The following TSPAN17 variants were observed in gnomAD, a reference collection of about 807,000 sequenced individuals.
The protein encoded by TSPAN17 is tetraspanin-17.
Under a neutral mutation model 40.5 loss-of-function variants are expected in TSPAN17, and 33 were observed. The ratio of observed to expected loss-of-function variants is 0.81; its 90% CI spans 0.62 to 1.09. The LOEUF (loss-of-function observed/expected upper bound fraction) is 1.09, where lower values mean the gene tolerates loss of function less well. Ranked by LOEUF, TSPAN17 falls within the 50% of genes least tolerant of loss-of-function variation. The pLI is 0.00. For missense variants in TSPAN17, 365 were observed against 416.8 expected (o/e 0.88, Z 1.08); for synonymous variants, 166 against 169.4 (o/e 0.98, Z 0.15).
chr5:176,648,822 TTC>T (rs1760848613), intron 1 of TSPAN17, among the ~76,000 whole-genome samples: 1 of 152,068 alleles, frequency 6.6e-6, no homozygotes, highest in African/African-American at 2.4e-5. Flanking sequence ...ATTTGTTGTA[TTC>T]TCACAACTGC....
rs1219863644 is a variant in TSPAN17, at chr5:176,656,681, G to C, written c.631-19G>C. 1 of 1,612,368 alleles carries C rather than the reference G, an allele frequency of 6.2e-7. No individual in the cohort carries two copies. Among genetic ancestry groups the C allele is most frequent in the Admixed American group, 1.7e-5 (1 of 60,004 alleles). On this transcript the variant is annotated intron_variant, in intron 6 of 8. Coordinates refer to ENST00000508164, the MANE Select transcript of TSPAN17 (RefSeq NM_130465.5). ...CCTGAAGGGCAGGTAGGCTGAGCCTGGTGCCTGCGTGTCCCCAGGAGCTGG... is the reference window on the plus strand; with the variant it reads ...CCTGAAGGGCAGGTAGGCTGAGCCTCGTGCCTGCGTGTCCCCAGGAGCTGG...
intron 1 of TSPAN17, 83 bp downstream of exon 1, chr5:176,647,785 C>T (rs1760799273): frequency 1.5e-6 from 2 of 1,332,504 alleles, no homozygotes; most frequent in African/African-American, 1.5e-5. Flanking sequence ...GAGACCACTC[C>T]CTGCCCCAAG....
At chr5:176,652,056 G>A (rs926219962) in intron 3 of TSPAN17, among the ~76,000 whole-genome samples, 156 bp downstream of exon 3, 1 of 152,200 alleles carries the variant, frequency 6.6e-6, no homozygotes, top group Admixed American at 6.5e-5. Flanking sequence ...CCTTTCCGTG[G>A]TATGGTAAGT....
At chr5:176,649,578 C>A (rs570724588) in intron 1 of TSPAN17, among the ~76,000 whole-genome samples, 1 of 152,218 alleles carries the variant, frequency 6.6e-6, no homozygotes, top group African/African-American at 2.4e-5. Flanking sequence ...TAGGTGTGTG[C>A]CACCACGCCT....
intron 5 of TSPAN17, 106 bp from the exon 6 acceptor site, chr5:176,655,972 G>T: frequency 1.0e-6 from 1 of 970,906 alleles, no homozygotes; most frequent in Non-Finnish European, 1.7e-6. Context: ...GAATCCACGG[G>T]CCCATCTGCG....
At chr5:176,657,417 T>C in intron 8 of TSPAN17, 101 bp from the exon 9 acceptor site, 1 of 1,524,478 alleles carries the variant, frequency 6.6e-7, no homozygotes, top group Non-Finnish European at 8.8e-7. Context: ...CACTCTTTTC[T>C]ATGAGCTGTA....
chr5:176,656,708 G>C lies in TSPAN17; in HGVS notation c.639G>C (p.Glu213Asp), dbSNP rs200138829. Residue 213 changes from glutamate to aspartate, a missense_variant, in exon 7 of 9, where the codon GAG becomes GAC. Physicochemically the swap from Glu to Asp is conservative, Grantham distance 45 (BLOSUM62 2). Coordinates refer to ENST00000508164, the MANE Select transcript of TSPAN17 (RefSeq NM_130465.5). ...GYDVRLKLEL[E>D]QQGFIHTKGC... ...TGCCTGCGTGTCCCCAGGAGCTGGA[G>C]CAGCAGGGCTTCATCCACACCAAAG... The C allele has an allele frequency of 6.2e-7, 1 of 1,614,158 alleles. No individual in the cohort carries two copies. The highest frequency in any genetic ancestry group is 2.2e-5 in the East Asian group (1 of 44,886).
intron 8 of TSPAN17, 120 bp from the exon 9 acceptor site, chr5:176,657,398 G>C: frequency 6.7e-7 from 1 of 1,498,486 alleles, no homozygotes. Flanking sequence ...GCCTCACACA[G>C]CTTCAGAGCA....
rs79536066 is a variant in TSPAN17 at position 176,658,443 on chromosome 5, G to C, written c.*745G>C. ...GGCTCGTCCAGAGATCTCAAACTCC[G>C]ATGCCCCTGGGGCCACGTATGTTGT... is the stretch of plus-strand genomic sequence containing the variant. On this transcript the variant is annotated 3_prime_UTR_variant, in exon 9 of 9. Transcript: ENST00000508164. The C allele has an allele frequency of 6.6e-6, 1 of 152,282 alleles. No homozygotes were observed. The highest frequency in any genetic ancestry group is 2.4e-5 in the African/African-American group (1 of 41,454). 9.4% of individuals were successfully genotyped at this position (152,282 alleles called of 1,614,324 possible).
At position 176,652,766 on chromosome 5, in the gene TSPAN17, C is replaced by T. The variant is rs1220374662; in HGVS notation, c.309C>T (p.Ile103=). 6.2e-7 allele frequency: 1 copy of T among 1,614,126 alleles called. No individual in the cohort carries two copies. The highest frequency in any genetic ancestry group is 1.7e-5 in the Admixed American group (1 of 60,022). The change falls in exon 4 of 9, where the codon ATC becomes ATT. Residue 103 remains isoleucine, a synonymous_variant. Transcript: ENST00000508164. ...LKFFSVFLGL[I]FFLELATGIL... is the part of the protein sequence containing the mutation. ...AGTTCTCCGTGTTCCTCGGTCTCAT[C>T]TTCTTCCTGGAGCTGGCAACAGGGA...
At position 176,654,789 on chromosome 5, in the gene TSPAN17, C is replaced by T. The variant is rs922822318; in HGVS notation, c.457-106C>T. 11 of 1,441,616 alleles carry T rather than the reference C, an allele frequency of 7.6e-6. No individual in the cohort carries two copies. In the African/African-American group the frequency reaches 1.4e-4, roughly 18 times the overall value. The allele number at this position is 1,441,616 out of a possible 1,614,324, so 89.3% of individuals were successfully genotyped here. ...TGGCCACCCACTTGGCTGTCCCAGC[C>T]CTGTCCCAGACAGCCCTGTATTCCT... On this transcript the variant is annotated intron_variant, in intron 4 of 8. Coordinates refer to ENST00000508164, the MANE Select transcript of TSPAN17 (RefSeq NM_130465.5). The surrounding 1 kb of genome is among the most constrained non-coding windows in gnomAD (Gnocchi z 4.3).
Position 176,656,104 on chromosome 5 carries a change from C to T in TSPAN17, c.609C>T (p.Gly203=), listed in dbSNP as rs764338575. The change falls in exon 6 of 9, where the codon GGC becomes GGT. Residue 203 remains glycine, a synonymous_variant. Coordinates refer to ENST00000508164, the MANE Select transcript of TSPAN17 (RefSeq NM_130465.5). ...AGGATGTCCTCAACACCCAGTGTGG[C>T]TACGACGTCCGGCTCAAACTGGTGA... is the stretch of plus-strand genomic sequence containing the variant. ...PAEDVLNTQC[G]YDVRLKLELE... is the part of the protein sequence containing the mutation. The T allele has an allele frequency of 1.5e-5, 24 of 1,614,164 alleles. No individual in the cohort carries two copies. In the Admixed American group the frequency reaches 1.8e-4, roughly 12 times the overall value.
Position 176,654,857 on chromosome 5 carries a change from G to A in TSPAN17, c.457-38G>A, listed in dbSNP as rs1458282957. 1 of 1,610,150 alleles carries A rather than the reference G, an allele frequency of 6.2e-7. No individual in the cohort carries two copies. Among genetic ancestry groups the A allele is most frequent in the Non-Finnish European group, 8.5e-7 (1 of 1,178,172 alleles). On this transcript the variant is annotated intron_variant, in intron 4 of 8. Coordinates refer to ENST00000508164, the MANE Select transcript of TSPAN17 (RefSeq NM_130465.5). This position sits in a 1 kb window ranked among gnomAD's most constrained non-coding sequence, Gnocchi z 4.3. ...CCAAACAGGGTGAGGCTCCTGGGAT[G>A]GGCCTGGCTCACCTGGGGCTCTCCC...
chr5:176,656,662 G>A (rs1420198724), intron 6 of TSPAN17, 38 bp from the exon 7 acceptor site: 2 of 1,605,320 alleles, frequency 1.2e-6, no homozygotes, highest in African/African-American at 1.3e-5. Context: ...CCGGCCTGAA[G>A]GGCAGGTAGG....
Position 176,656,919 on chromosome 5 carries a change from A to T in TSPAN17, c.772A>T (p.Asn258Tyr), listed in dbSNP as rs764759797. 2 of 1,614,160 alleles carry T rather than the reference A, an allele frequency of 1.2e-6. No homozygotes were observed. Among genetic ancestry groups the T allele is most frequent in the Non-Finnish European group, 1.7e-6 (2 of 1,180,018 alleles). The change falls in exon 8 of 9, where the codon AAC becomes TAC. Residue 258 changes from asparagine (N) to tyrosine (Y), a missense_variant. Coordinates refer to ENST00000508164, the MANE Select transcript of TSPAN17 (RefSeq NM_130465.5). Reference protein sequence around the residue: ...LQIFGICLAQNLVSDIKAVKA... With the variant: ...LQIFGICLAQYLVSDIKAVKA... ...GATCTTTGGCATCTGCCTGGCCCAGAACCTCGTGAGTGACATCAAGGCAGT... is the reference window on the plus strand; with the variant it reads ...GATCTTTGGCATCTGCCTGGCCCAGTACCTCGTGAGTGACATCAAGGCAGT...
In TSPAN17 at chr5:176,654,790, C is replaced by T. The variant is rs1761087519; in HGVS notation, c.457-105C>T. The T allele has an allele frequency of 6.9e-7, 1 of 1,443,920 alleles. No homozygotes were observed. Among genetic ancestry groups the T allele is most frequent in the African/African-American group, 1.4e-5 (1 of 71,424 alleles). The allele number at this position is 1,443,920 out of a possible 1,614,324, so 89.4% of individuals were successfully genotyped here. On this transcript the variant is annotated intron_variant, in intron 4 of 8. Coordinates refer to ENST00000508164, the MANE Select transcript of TSPAN17 (RefSeq NM_130465.5). This position sits in a 1 kb window ranked among gnomAD's most constrained non-coding sequence, Gnocchi z 4.3. ...GGCCACCCACTTGGCTGTCCCAGCC[C>T]TGTCCCAGACAGCCCTGTATTCCTG...
rs752698858 is a variant in TSPAN17 at position 176,652,866 on chromosome 5, C to A, written c.409C>A (p.Arg137=). 1 of 1,614,176 alleles carries A rather than the reference C, an allele frequency of 6.2e-7. No homozygotes were observed. Among genetic ancestry groups the A allele is most frequent in the Non-Finnish European group, 8.5e-7 (1 of 1,180,022 alleles). The change falls in exon 4 of 9, where the codon CGG becomes AGG. Residue 137 remains arginine, a synonymous_variant. Transcript: ENST00000508164. ...LFINNNVKAY[R]DDIDLQNLID... ...CATCAACAACAACGTCAAGGCCTAC[C>A]GGGACGACATTGACCTCCAGAACCT...
intron 8 of TSPAN17, 124 bp downstream of exon 8, chr5:176,657,080 C>A: frequency 1.9e-6 from 2 of 1,065,548 alleles, no homozygotes; most frequent in Non-Finnish European, 2.6e-6. Context: ...TGGGACTGAG[C>A]CTTGAGGGGT....
intron 5 of TSPAN17, 25 bp downstream of exon 5, chr5:176,655,045 G>A: frequency 6.3e-7 from 1 of 1,585,650 alleles, no homozygotes; most frequent in Admixed American, 1.8e-5. Flanking sequence ...GGGAGGAGAG[G>A]TAAGGGACTT....
Sources: gnomAD v4.1 joint callset for allele counts (sites outside exome capture counted in the v4.1 genomes callset) on GRCh38, gnomAD v4.1.1 for gene constraint, Gnocchi (gnomAD v3.1) non-coding constraint, MANE v1.5 for transcripts, NCBI Gene and HGNC (gene_info 2026-07-23, HGNC 2026-07-21) for gene names.